Variants in YEATS2 observed in about 807,000 individuals in gnomAD.
The protein encoded by YEATS2 is YEATS domain containing 2, also known as YEATS domain-containing protein 2.
YEATS2 carries 77 observed loss-of-function variants against 163.2 expected under a neutral mutation model. The observed-to-expected ratio is 0.47, with a 90% CI of 0.39 to 0.57. YEATS2 has a LOEUF of 0.57. YEATS2 is among the 20% of genes least tolerant of loss of function. The pLI is 0.00. For missense variants in YEATS2, 1,549 were observed against 1,729.8 expected (o/e 0.90, Z 1.85); for synonymous variants, 631 against 645.1 (o/e 0.98, Z 0.33).
intron 15 of YEATS2, among the ~76,000 whole-genome samples, chr3:183,771,001 T>C (rs1722400601): frequency 6.6e-6 from 1 of 152,246 alleles, no homozygotes; most frequent in Non-Finnish European, 1.5e-5. Context: ...TTGTTGTATA[T>C]GTTCCCTTGA....
rs766765942 is a variant in YEATS2 at position 183,775,997 on chromosome 3, C to T, written c.2451C>T (p.Ser817=). 28 of 1,608,116 alleles carry T rather than the reference C, an allele frequency of 1.7e-5. No homozygotes were observed. Among genetic ancestry groups the T allele is most frequent in the South Asian group, 1.2e-4 (11 of 90,716 alleles). ...GAGGAGGAGGAGGCGGCAGTGGCAG[C>T]GGTGGAGGCGGCAGCACAGGAGGAG... ...GGGGGGGGSG[S]GGGGSTGGGG... Residue 817 remains serine (S), a synonymous_variant, in exon 18 of 31, where the codon AGC becomes AGT. Transcript: ENST00000305135.
At chr3:183,702,576 C>T (rs1714208396) in intron 1 of YEATS2, among the ~76,000 whole-genome samples, 1 of 152,004 alleles carries the variant, frequency 6.6e-6, no homozygotes, top group Non-Finnish European at 1.5e-5. Context: ...GTAGCTCACG[C>T]CTATAATCTC....
At chr3:183,761,820 TTC>T (rs1304887986) in intron 14 of YEATS2, among the ~76,000 whole-genome samples, 1 of 152,206 alleles carries the variant, frequency 6.6e-6, no homozygotes, top group African/African-American at 2.4e-5. Context: ...GTGTGTTTGT[TTC>T]TCTCTGCTGT....
Position 183,767,628 on chromosome 3 carries a change from G to A in YEATS2, c.1948-4677G>A, listed in dbSNP as rs1012749867. Among the ~76,000 whole-genome samples the A allele has an allele frequency of 1.1e-4, 17 of 152,020 alleles. 1 individual carries two copies. Among genetic ancestry groups the A allele is most frequent in the Admixed American group, 8.5e-4 (13 of 15,242 alleles). ...AAACTTCTGACCTTGTGATCTGCCC[G>A]CCTTGGCCTCCTGAAGTGCTAGGAT... On this transcript the variant is annotated intron_variant, in intron 15 of 30. Transcript: ENST00000305135.
At chr3:183,757,389 T>C (rs1720877871) in intron 12 of YEATS2, among the ~76,000 whole-genome samples, 1 of 152,038 alleles carries the variant, frequency 6.6e-6, no homozygotes, top group Admixed American at 6.6e-5. Context: ...CTCCTGGGTT[T>C]AAGCAATTCT....
chr3:183,775,948 G>C lies in YEATS2; in HGVS notation c.2402G>C (p.Ser801Thr). The C allele has an allele frequency of 6.3e-7, 1 of 1,596,218 alleles. No homozygotes were observed. Among genetic ancestry groups the C allele is most frequent in the African/African-American group, 1.4e-5 (1 of 70,036 alleles). ...LQSGSAASGG[S>T]GAGGGGGGGG... ...TCTGGCTCAGCTGCCAGTGGTGGGA[G>C]TGGTGCCGGAGGAGGAGGAGGAGGA... Residue 801 changes from serine (S) to threonine (T), a missense_variant, in exon 18 of 31, where the codon AGT (serine) becomes ACT (threonine). Coordinates refer to ENST00000305135, the MANE Select transcript of YEATS2 (RefSeq NM_018023.5).
chr3:183,781,458 C>T (rs1490916625), intron 19 of YEATS2, among the ~76,000 whole-genome samples: 5 of 152,182 alleles, frequency 3.3e-5, no homozygotes, highest in East Asian at 1.9e-4. Context: ...TTGGCGAGGG[C>T]GGATCTTCTT....
intron 14 of YEATS2, 44 bp from the exon 15 acceptor site, chr3:183,762,053 G>T (rs1241686040): frequency 6.2e-7 from 1 of 1,611,868 alleles, no homozygotes; most frequent in South Asian, 1.1e-5. Flanking sequence ...TATAAAATGG[G>T]ATGTTTATGG....
At chr3:183,782,797 G>A (rs958438658) in intron 19 of YEATS2, among the ~76,000 whole-genome samples, 3 of 152,052 alleles carry the variant, frequency 2.0e-5, no homozygotes, top group South Asian at 4.1e-4. Context: ...AGGTTTTTTT[G>A]TTTGTTTTTG....
chr3:183,715,246 A>T lies in YEATS2; in HGVS notation c.84A>T (p.Lys28Asn). ...VSVALPNKRH[K>N]AIENSARDAA... ...TGGCCCTTCCAAATAAGCGGCATAA[A>T]GCAATTGAGAATTCAGGTAGAAATC... The change falls in exon 2 of 31, where the codon AAA (lysine) becomes AAT (asparagine). Residue 28 changes from lysine to asparagine, a missense_variant. Transcript: ENST00000305135. 1 of 1,608,888 alleles carries T rather than the reference A, an allele frequency of 6.2e-7. No homozygotes were observed. Among genetic ancestry groups the T allele is most frequent in the Non-Finnish European group, 8.5e-7 (1 of 1,179,012 alleles).
In YEATS2 at chr3:183,777,568, A is replaced by G; in HGVS notation, c.2604A>G (p.Ser868=). Residue 868 remains serine, a synonymous_variant, in exon 19 of 31, where the codon TCA becomes TCG. Transcript: ENST00000305135. ...GCACATTTTTAGTTGGCCAGCCATCACCCCAGACTTCTGGAAAACAACTCA... is the reference window on the plus strand; with the variant it reads ...GCACATTTTTAGTTGGCCAGCCATCGCCCCAGACTTCTGGAAAACAACTCA... The part of the protein sequence containing the change: ...PQGTFLVGQP[S]PQTSGKQLTT... 1 of 1,612,410 alleles carries G rather than the reference A, an allele frequency of 6.2e-7. No homozygotes were observed. Among genetic ancestry groups the G allele is most frequent in the South Asian group, 1.1e-5 (1 of 90,604 alleles).
chr3:183,797,980 C>G lies in YEATS2; in HGVS notation c.3155C>G (p.Pro1052Arg). The G allele has an allele frequency of 1.2e-6, 2 of 1,614,168 alleles. No homozygotes were observed. The highest frequency in any genetic ancestry group is 1.7e-6 in the Non-Finnish European group (2 of 1,179,998). The change falls in exon 22 of 31, where the codon CCC (proline) becomes CGC (arginine). Residue 1052 changes from proline (P) to arginine (R), a missense_variant. Physicochemically the swap from Pro to Arg is moderately radical, Grantham distance 103. Coordinates refer to ENST00000305135, the MANE Select transcript of YEATS2 (RefSeq NM_018023.5). ...CCGCAGCAGGCCGTCCTGACGATTC[C>G]CAGCCAGCTCAAACCACTCAGCGTA... ...SSPQQAVLTI[P>R]SQLKPLSVNT...
chr3:183,807,010 A>C lies in YEATS2; in HGVS notation c.3929A>C (p.Glu1310Ala). The change falls in exon 28 of 31, where the codon GAG (glutamate) becomes GCG (alanine). Residue 1310 changes from glutamate (E) to alanine (A), a missense_variant. By Grantham distance (107) the Glu-to-Ala change is moderately radical (BLOSUM62 -1). Coordinates refer to ENST00000305135, the MANE Select transcript of YEATS2 (RefSeq NM_018023.5). ...SEPVKINIKKEQEEKQEEVKF... is the reference protein window; with the variant it reads ...SEPVKINIKKAQEEKQEEVKF... ...CCAGTGAAGATAAACATCAAGAAGG[A>C]GCAGGAAGAGAAACAAGAGGAAGTC... is the stretch of plus-strand genomic sequence containing the variant. 6.2e-7 allele frequency: 1 copy of C among 1,614,182 alleles called. No homozygotes were observed. Among genetic ancestry groups the C allele is most frequent in the African/African-American group, 1.3e-5 (1 of 75,048 alleles).
intron 4 of YEATS2, among the ~76,000 whole-genome samples, chr3:183,720,102 T>C (rs1716338603): frequency 6.6e-6 from 1 of 152,216 alleles, no homozygotes; most frequent in Admixed American, 6.5e-5. Context: ...AGTGATGCTG[T>C]GTACTTGATA....
intron 1 of YEATS2, among the ~76,000 whole-genome samples, chr3:183,704,756 G>A (rs1289415394): frequency 6.6e-6 from 1 of 151,908 alleles, no homozygotes; most frequent in Non-Finnish European, 1.5e-5. Flanking sequence ...AGCCTCCCAA[G>A]TAGCTGGGAT....
intron 19 of YEATS2, among the ~76,000 whole-genome samples, chr3:183,785,846 C>T (rs13062127): frequency 0.047 from 7,152 of 152,166 alleles, 246 homozygotes; most frequent in East Asian, 0.11. Context: ...ATTTTGAAAA[C>T]AAGTGACCTG....
chr3:183,741,150 G>T (rs1366231139), intron 8 of YEATS2, among the ~76,000 whole-genome samples: 1 of 151,708 alleles, frequency 6.6e-6, no homozygotes, highest in African/African-American at 2.4e-5. Context: ...TGTTGTCCTG[G>T]CTGGTCTCAA....
intron 15 of YEATS2, among the ~76,000 whole-genome samples, chr3:183,766,394 A>G (rs1402512261): frequency 7.9e-5 from 12 of 152,238 alleles, no homozygotes; most frequent in Admixed American, 7.9e-4. Flanking sequence ...GTAAACAGCC[A>G]TATTTTTTAA....
chr3:183,747,655 C>G lies in YEATS2; in HGVS notation c.925-17C>G. 6.2e-7 allele frequency: 1 copy of G among 1,609,386 alleles called. No homozygotes were observed. The highest frequency in any genetic ancestry group is 1.3e-5 in the African/African-American group (1 of 74,954). On this transcript the variant is annotated splice_polypyrimidine_tract_variant and intron_variant, in intron 8 of 30. Transcript: ENST00000305135. ...AGTGCAGTGAAATTTAACACTCTCC[C>G]TTTTGTCTTTCCATAGCTGGATAGA...
Sources: gnomAD v4.1 joint callset for allele counts (sites outside exome capture counted in the v4.1 genomes callset) on GRCh38, gnomAD v4.1.1 for gene constraint, MANE v1.5 for transcripts, NCBI Gene and HGNC (gene_info 2026-07-23, HGNC 2026-07-21) for gene names.